The following PDE10A variants were observed in gnomAD, a reference collection of about 807,000 sequenced individuals.
PDE10A encodes cAMP and cAMP-inhibited cGMP 3',5'-cyclic phosphodiesterase 10A.
In PDE10A, 39 loss-of-function variants were observed where a neutral mutation model predicts 97.7. The ratio of observed to expected loss-of-function variants is 0.40; its 90% CI spans 0.31 to 0.52. The LOEUF (loss-of-function observed/expected upper bound fraction) is 0.52, where lower values mean the gene tolerates loss of function less well. Among genes scored for constraint, PDE10A ranks in the 20% least tolerant of loss-of-function variants. The pLI is 0.56. For synonymous variants in PDE10A, 371 were observed against 376.8 expected, an observed-to-expected ratio of 0.98 and a Z score of 0.18; for missense variants, 731 against 1,047.8, an observed-to-expected ratio of 0.70 and a Z score of 4.17.
intron 1 of PDE10A, among the ~76,000 whole-genome samples, chr6:165,849,790 A>G (rs1034833461): frequency 2.0e-5 from 3 of 150,230 alleles, no homozygotes; most frequent in African/African-American, 4.9e-5. Flanking sequence ...ACAGTTTGTC[A>G]GTTGTTCTTT....
intron 1 of PDE10A, among the ~76,000 whole-genome samples, chr6:165,761,052 G>A (rs935074057): frequency 6.6e-6 from 1 of 152,184 alleles, no homozygotes; most frequent in Non-Finnish European, 1.5e-5. Context: ...ATTTGCAGCC[G>A]GGAGGGGCCT....
chr6:165,873,096 G>T (rs773057143), intron 1 of PDE10A, among the ~76,000 whole-genome samples: 3 of 152,160 alleles, frequency 2.0e-5, no homozygotes, highest in Admixed American at 6.5e-5. Context: ...CAGCCTCCTG[G>T]CAGGGGAAGC....
Position 165,332,675 on chromosome 6 carries a change from G to T in PDE10A, c.*350C>A. 4.1e-6 allele frequency: 1 copy of T among 245,456 alleles called. No individual in the cohort carries two copies. The highest frequency in any genetic ancestry group is 7.8e-6 in the Non-Finnish European group (1 of 127,420). The allele number at this position is 245,456 out of a possible 1,614,324, so 15.2% of individuals were successfully genotyped here. A position where few individuals can be genotyped will look rare whatever the true frequency, so the allele number is the denominator to read the frequency against. On this transcript the variant is annotated 3_prime_UTR_variant, in exon 22 of 22. Transcript: ENST00000539869. ...TACCATTTTAAACCCTTATTAGAAA[G>T]ATACAATGGAAAAGTACCCCTTCTG...
intron 1 of PDE10A, among the ~76,000 whole-genome samples, chr6:165,696,933 T>C (rs138146594): frequency 6.6e-6 from 1 of 152,146 alleles, no homozygotes; most frequent in African/African-American, 2.4e-5. Context: ...CATCAGTAAA[T>C]ATGAACTGGC....
At chr6:165,622,831 C>A (rs1788209092) in intron 1 of PDE10A, among the ~76,000 whole-genome samples, 1 of 152,170 alleles carries the variant, frequency 6.6e-6, no homozygotes, top group Non-Finnish European at 1.5e-5. Flanking sequence ...GAATTGTAAT[C>A]CCCAATGCTG....
intron 1 of PDE10A, among the ~76,000 whole-genome samples, chr6:165,965,991 C>T (rs1019395600): frequency 6.6e-6 from 1 of 152,234 alleles, no homozygotes; most frequent in Non-Finnish European, 1.5e-5. Context: ...GTATTTAATA[C>T]ATAGATTTAG....
chr6:165,583,024 C>A (rs1041037407), intron 1 of PDE10A, among the ~76,000 whole-genome samples: 2 of 152,100 alleles, frequency 1.3e-5, no homozygotes, highest in African/African-American at 4.8e-5. Context: ...GCTGCTTGTT[C>A]GATGCAAAGC....
intron 1 of PDE10A, among the ~76,000 whole-genome samples, chr6:165,599,622 C>G (rs1786815344): frequency 6.6e-6 from 1 of 152,190 alleles, no homozygotes; most frequent in African/African-American, 2.4e-5. Flanking sequence ...GGTCTTTAAA[C>G]AGGCTTAACA....
intron 1 of PDE10A, among the ~76,000 whole-genome samples, chr6:165,814,831 C>A (rs937305734): frequency 6.6e-6 from 1 of 151,980 alleles, no homozygotes; most frequent in Non-Finnish European, 1.5e-5. Flanking sequence ...CACTCTGCGG[C>A]GTATGTCCAG....
At chr6:165,796,318 C>A (rs143415725) in intron 1 of PDE10A, among the ~76,000 whole-genome samples, 2 of 152,070 alleles carry the variant, frequency 1.3e-5, no homozygotes, top group African/African-American at 4.8e-5. Flanking sequence ...TATCTCCTGA[C>A]CTCATGATCC....
At chr6:165,435,437 C>T in intron 5 of PDE10A, 60 bp from the exon 6 acceptor site, 2 of 1,406,454 alleles carry the variant, frequency 1.4e-6, no homozygotes, top group South Asian at 1.4e-5. Context: ...TACAAAAAGA[C>T]ACACGTGAAT....
intron 1 of PDE10A, among the ~76,000 whole-genome samples, chr6:165,633,655 C>G (rs1326657659): frequency 6.6e-6 from 1 of 152,112 alleles, no homozygotes; most frequent in Non-Finnish European, 1.5e-5. Context: ...GAGACAGAGT[C>G]TCACTCAGGT....
At chr6:165,917,649 G>GA (rs1278863645) in intron 1 of PDE10A, among the ~76,000 whole-genome samples, 162 of 151,528 alleles carry the variant, frequency 1.1e-3, no homozygotes, top group African/African-American at 3.4e-3. Context: ...AGTAAAAGAA[G>GA]AAAAAAAAAG....
chr6:165,895,659 C>T lies in PDE10A; in HGVS notation c.-615+91870G>A, dbSNP rs202026603. Among the ~76,000 whole-genome samples, 22 of 152,320 alleles carry T rather than the reference C, an allele frequency of 1.4e-4. No individual in the cohort carries two copies. The East Asian group carries it at 4.3e-3, about 29-fold the overall frequency. Reference sequence around the variant, plus strand: ...GTCCTGGCCTTTGCCACAGTCCTCTCAGACTTGCCAAGCCTGCACGTGCCC... The same window carrying T: ...GTCCTGGCCTTTGCCACAGTCCTCTTAGACTTGCCAAGCCTGCACGTGCCC... On this transcript the variant is annotated intron_variant, in intron 1 of 19. Transcript: ENST00000366882.
chr6:165,614,080 C>T (rs541501057), intron 1 of PDE10A, among the ~76,000 whole-genome samples: 16 of 152,300 alleles, frequency 1.1e-4, no homozygotes, highest in Admixed American at 1.0e-3. Context: ...GCTCAGACAT[C>T]TCGCAAACAT....
At chr6:165,700,911 T>C (rs1791555364) in intron 1 of PDE10A, among the ~76,000 whole-genome samples, 1 of 152,182 alleles carries the variant, frequency 6.6e-6, no homozygotes, top group Non-Finnish European at 1.5e-5. Context: ...TTGATGCAGA[T>C]TGGTTGGCAG....
Position 165,396,380 on chromosome 6 carries a change from G to A in PDE10A, c.2156C>T (p.Ser719Leu). 1.2e-6 allele frequency: 2 copies of A among 1,613,426 alleles called. No homozygotes were observed. Among genetic ancestry groups the A allele is most frequent in the East Asian group, 2.2e-5 (1 of 44,848 alleles). Reference protein sequence around the residue: ...EKLSYHSICTSEEWQGLMQFT... With the variant: ...EKLSYHSICTLEEWQGLMQFT... ...TTGCATGAGACCTTGCCACTCTTCTGAAGTACAAATGCTATGGTAGGACAG... is the reference window on the plus strand; with the variant it reads ...TTGCATGAGACCTTGCCACTCTTCTAAAGTACAAATGCTATGGTAGGACAG... The change falls in exon 14 of 22, where the codon TCA (serine) becomes TTA (leucine). Residue 719 changes from serine (S) to leucine (L), a missense_variant. Coordinates refer to ENST00000539869, the MANE Select transcript of PDE10A (RefSeq NM_001385079.1).
At chr6:165,678,498 T>C (rs1009125853) in intron 1 of PDE10A, among the ~76,000 whole-genome samples, 1 of 152,108 alleles carries the variant, frequency 6.6e-6, no homozygotes, top group African/African-American at 2.4e-5. Context: ...AAACTGGAAG[T>C]GTGAAGGCTC....
intron 1 of PDE10A, among the ~76,000 whole-genome samples, chr6:165,875,731 GT>G (rs748111095): frequency 0.024 from 1,107 of 46,916 alleles, 10 homozygotes; most frequent in African/African-American, 0.072. Context: ...TTCTTTTACT[GT>G]TTTTTTTTTT....
Sources: allele counts gnomAD v4.1 joint callset (sites outside exome capture counted in the v4.1 genomes callset), GRCh38; gene constraint gnomAD v4.1.1; transcripts MANE v1.5; gene names NCBI Gene and HGNC (gene_info 2026-07-23, HGNC 2026-07-21).